The following NKAIN1 variants were observed in gnomAD, a reference collection of about 807,000 sequenced individuals.
NKAIN1 encodes sodium/potassium transporting ATPase interacting 1, also known as sodium/potassium-transporting ATPase subunit beta-1-interacting protein 1.
In NKAIN1, 13 loss-of-function variants were observed where a neutral mutation model predicts 31.6. The ratio of observed to expected loss-of-function variants is 0.41; its 90% confidence interval spans 0.27 to 0.65. NKAIN1 has a LOEUF of 0.65. NKAIN1 is among the 30% of genes least tolerant of loss of function. The probability of loss-of-function intolerance (pLI) is 0.30; values close to 1 mark genes in which losing one functional copy is unlikely to be tolerated. For synonymous variants in NKAIN1, 104 were observed against 109.0 expected, an observed-to-expected ratio of 0.95 and a Z score of 0.28; for missense variants, 193 against 262.2, an observed-to-expected ratio of 0.74 and a Z score of 1.82.
In NKAIN1 at chr1:31,239,350, C is replaced by G. The variant is rs1392696178; in HGVS notation, c.54+144G>C. 4.2e-6 allele frequency: 2 copies of G among 478,904 alleles called. No individual in the cohort carries two copies. Among genetic ancestry groups the G allele is most frequent in the East Asian group, 4.1e-5 (1 of 24,564 alleles). 29.7% of individuals were successfully genotyped at this position (478,904 alleles called of 1,614,324 possible). Reference sequence around the variant, plus strand: ...CCAGCGGGAGCAGGCTCCGCCCGACCGCTCCGAGACTCCAGACCACCCCCC... The same window carrying G: ...CCAGCGGGAGCAGGCTCCGCCCGACGGCTCCGAGACTCCAGACCACCCCCC... On this transcript the variant is annotated intron_variant, in intron 1 of 6. Coordinates refer to ENST00000373736, the MANE Select transcript of NKAIN1 (RefSeq NM_024522.3). This position sits in a 1 kb window ranked among gnomAD's most constrained non-coding sequence, Gnocchi z 4.8.
intron 2 of NKAIN1, among the ~76,000 whole-genome samples, chr1:31,186,394 GTTTTTTT>G (rs11303246): frequency 1.0e-5 from 1 of 97,276 alleles, no homozygotes; most frequent in African/African-American, 3.8e-5. Context: ...ATTCTTTTGT[GTTTTTTT>G]TTTTTTTTTT....
Position 31,184,119 on chromosome 1 carries a change from C to G in NKAIN1, c.274-105G>C, listed in dbSNP as rs544658994. On this transcript the variant is annotated intron_variant, in intron 3 of 6. Transcript: ENST00000373736. Reference sequence around the variant, plus strand: ...TTGATCGGTGAAGGGATTCAGGGAGCCTGCACCTGCAAGTCCATATTTGAC... The same window carrying G: ...TTGATCGGTGAAGGGATTCAGGGAGGCTGCACCTGCAAGTCCATATTTGAC... 291 of 946,252 alleles carry G rather than the reference C, an allele frequency of 3.1e-4. 1 individual carries two copies. The African/African-American group carries it at 4.5e-3, about 15-fold the overall frequency. The allele number at this position is 946,252 out of a possible 1,614,324, so 58.6% of individuals were successfully genotyped here. A position where few individuals can be genotyped will look rare whatever the true frequency, so the allele number is the denominator to read the frequency against.
At chr1:31,195,509 G>A (rs1251406985) in intron 1 of NKAIN1, among the ~76,000 whole-genome samples, 3 of 151,964 alleles carry the variant, frequency 2.0e-5, no homozygotes, top group Non-Finnish European at 1.5e-5. Flanking sequence ...AGCTCCTCCT[G>A]TCTTCTCAGG....
chr1:31,218,044 C>CTT (rs1352455143), intron 1 of NKAIN1, among the ~76,000 whole-genome samples: 14 of 136,470 alleles, frequency 1.0e-4, no homozygotes, highest in Non-Finnish European at 2.0e-4. Flanking sequence ...TTCTTTCTTT[C>CTT]TTTCTTTCTT....
chr1:31,207,081 C>T (rs1455615126), intron 1 of NKAIN1, among the ~76,000 whole-genome samples: 1 of 152,148 alleles, frequency 6.6e-6, no homozygotes, highest in Non-Finnish European at 1.5e-5. Flanking sequence ...CCACATGTGC[C>T]ATTATTAGGA....
At chr1:31,201,413 C>T (rs1001217757) in intron 1 of NKAIN1, among the ~76,000 whole-genome samples, 2 of 147,906 alleles carry the variant, frequency 1.4e-5, no homozygotes, top group Non-Finnish European at 3.0e-5. Context: ...GGCTGGAGTG[C>T]AGTGGCACTA....
rs141448742 is a variant in NKAIN1 at position 31,221,460 on chromosome 1, G to A, written c.54+18034C>T. 6.6e-3 allele frequency among the ~76,000 whole-genome samples: 997 copies of A among 152,118 alleles called. 60 individuals are homozygous for A. The East Asian group carries it at 0.13, about 20-fold the overall frequency. ...TCCATATATATATATTTTTTGAGAC[G>A]GAGTCTTGCTCTGTCGCCAGGCTGG... On this transcript the variant is annotated intron_variant, in intron 1 of 6. Coordinates refer to ENST00000373736, the MANE Select transcript of NKAIN1 (RefSeq NM_024522.3).
intron 3 of NKAIN1, 72 bp from the exon 4 acceptor site, chr1:31,184,086 A>G (rs893499738): frequency 7.3e-7 from 1 of 1,369,524 alleles, no homozygotes; most frequent in Non-Finnish European, 1.0e-6. Context: ...CAGCCCAGGA[A>G]GACTATATTG....
intron 1 of NKAIN1, among the ~76,000 whole-genome samples, chr1:31,216,290 G>A (rs1244721999): frequency 6.6e-6 from 1 of 152,092 alleles, no homozygotes; most frequent in African/African-American, 2.4e-5. Flanking sequence ...TGGTTCTCAC[G>A]GCCTAGTCTG....
chr1:31,232,750 C>T (rs990899299), intron 1 of NKAIN1, among the ~76,000 whole-genome samples: 17 of 151,864 alleles, frequency 1.1e-4, no homozygotes, highest in African/African-American at 3.4e-4. Context: ...CAACATGTTC[C>T]AGTGATCAGA....
chr1:31,206,243 A>G (rs1645422887), intron 1 of NKAIN1, among the ~76,000 whole-genome samples: 3 of 75,844 alleles, frequency 4.0e-5, no homozygotes, highest in South Asian at 8.8e-4. Context: ...CTCAAAAATA[A>G]ATAAATAAAT....
intron 1 of NKAIN1, among the ~76,000 whole-genome samples, chr1:31,231,562 G>T (rs1010605037): frequency 6.6e-6 from 1 of 151,946 alleles, no homozygotes; most frequent in South Asian, 2.1e-4. Flanking sequence ...ACGGAGTCTC[G>T]CTCTGTCACC....
chr1:31,188,399 G>T (rs1244549440), intron 1 of NKAIN1: 2 of 551,472 alleles, frequency 3.6e-6, no homozygotes, highest in South Asian at 2.4e-5. Flanking sequence ...AGGAGTGAGG[G>T]TTCAGAACAC....
In NKAIN1 at chr1:31,188,222, C is replaced by T. The variant is rs1164416891; in HGVS notation, c.55-35G>A. ...AGACAGGCTGAGGCCACTGTCACCC[C>T]CCTGAAAGGGAAGGACAGGGATTCC... is the stretch of plus-strand genomic sequence containing the variant. On this transcript the variant is annotated intron_variant, in intron 1 of 6. Coordinates refer to ENST00000373736, the MANE Select transcript of NKAIN1 (RefSeq NM_024522.3). The T allele has an allele frequency of 5.2e-6, 8 of 1,547,058 alleles. No homozygotes were observed. The East Asian group carries it at 1.7e-4, about 33-fold the overall frequency.
intron 1 of NKAIN1, among the ~76,000 whole-genome samples, chr1:31,190,761 G>A (rs1171580221): frequency 6.6e-6 from 1 of 152,098 alleles, no homozygotes; most frequent in Non-Finnish European, 1.5e-5. Context: ...TTGTCCAGGG[G>A]CCTCTGCCAC....
At chr1:31,200,037 A>ATG (rs1645365872) in intron 1 of NKAIN1, among the ~76,000 whole-genome samples, 5 of 151,572 alleles carry the variant, frequency 3.3e-5, no homozygotes, top group East Asian at 1.9e-4. Flanking sequence ...ACACACACAC[A>ATG]CATGCACACG....
At position 31,182,678 on chromosome 1, in the gene NKAIN1, C is replaced by T. The variant is rs375216396; in HGVS notation, c.472-88G>A. 2.8e-4 allele frequency: 405 copies of T among 1,452,102 alleles called. 7 individuals carry two copies. In the South Asian group the frequency reaches 4.5e-3, roughly 16 times the overall value. The allele number at this position is 1,452,102 out of a possible 1,614,324, so 90.0% of individuals were successfully genotyped here. A position where few individuals can be genotyped will look rare whatever the true frequency, so the allele number is the denominator to read the frequency against. On this transcript the variant is annotated intron_variant, in intron 4 of 6. Transcript: ENST00000373736. ...GCCGGGCCCTGTACGCTCTGACTGG[C>T]AAGGGAGGAGGCATGCCAGGATGAA... is the stretch of plus-strand genomic sequence containing the variant.
intron 6 of NKAIN1, 65 bp downstream of exon 6, chr1:31,181,795 C>T: frequency 1.3e-6 from 2 of 1,562,146 alleles, no homozygotes; most frequent in South Asian, 1.2e-5. Context: ...CCCACTCCTC[C>T]ATCCCCTCCT....
chr1:31,219,813 T>C (rs1185653407), intron 1 of NKAIN1, among the ~76,000 whole-genome samples: 1 of 152,192 alleles, frequency 6.6e-6, no homozygotes, highest in African/African-American at 2.4e-5. Flanking sequence ...GCTGTGATTG[T>C]GGCCCAGCAA....
Sources: allele counts gnomAD v4.1 joint callset (sites outside exome capture counted in the v4.1 genomes callset), GRCh38; gene constraint gnomAD v4.1.1; non-coding constraint Gnocchi (gnomAD v3.1); transcripts MANE v1.5; gene names NCBI Gene and HGNC (gene_info 2026-07-23, HGNC 2026-07-21).